Variants in MCRIP1 observed in about 807,000 individuals in gnomAD.
MCRIP1 encodes mapk-regulated corepressor-interacting protein 1.
A neutral mutation model predicts 14.4 loss-of-function variants in MCRIP1; 10 were observed. The ratio of observed to expected loss-of-function variants is 0.70; its 90% CI spans 0.43 to 1.18. The LOEUF (loss-of-function observed/expected upper bound fraction) is 1.18. Among genes scored for constraint, MCRIP1 ranks in the 50% most tolerant of loss-of-function variants. MCRIP1 has a pLI of 0.00. For missense variants in MCRIP1, 119 were observed against 135.4 expected, an observed-to-expected ratio of 0.88 and a Z score of 0.60; for synonymous variants, 53 against 55.7, an observed-to-expected ratio of 0.95 and a Z score of 0.21.
chr17:81,829,368 A>T (rs1157779573), intron 1 of MCRIP1, among the ~76,000 whole-genome samples: 1 of 152,174 alleles, frequency 6.6e-6, no homozygotes, highest in African/African-American at 2.4e-5. Flanking sequence ...GGCCACCACC[A>T]GGGTGACAGC....
chr17:81,825,701 G>A, intron 1 of MCRIP1: 13 of 1,289,362 alleles, frequency 1.0e-5, no homozygotes, highest in Non-Finnish European at 1.3e-5. Context: ...GGAACTCTGT[G>A]CCCCATCCCA....
chr17:81,825,152 C>T, intron 1 of MCRIP1: 3 of 1,035,750 alleles, frequency 2.9e-6, no homozygotes, highest in Non-Finnish European at 3.5e-6. Context: ...GGAGATGGAA[C>T]CAAACTCCAG....
At chr17:81,827,537 C>T (rs1338465117) in intron 1 of MCRIP1, among the ~76,000 whole-genome samples, 2 of 151,886 alleles carry the variant, frequency 1.3e-5, no homozygotes, top group Admixed American at 6.6e-5. Flanking sequence ...TCCCAAAGTG[C>T]TGGGATTACA....
Position 81,824,566 on chromosome 17 carries a change from G to A in MCRIP1, c.-48-12C>T. On this transcript the variant is annotated splice_polypyrimidine_tract_variant and intron_variant, in intron 1 of 4. Transcript: ENST00000455127. Reference sequence around the variant, plus strand: ...GATCCCCTCAGCCTCTGAAACAGAAGCCAGCGCAGGCATGGGACGCAGGGC... The same window carrying A: ...GATCCCCTCAGCCTCTGAAACAGAAACCAGCGCAGGCATGGGACGCAGGGC... 1.3e-6 allele frequency: 2 copies of A among 1,535,878 alleles called. No individual in the cohort carries two copies. The highest frequency in any genetic ancestry group is 1.4e-5 in the African/African-American group (1 of 73,174).
chr17:81,833,182 G>A (rs1224616381), intron 1 of MCRIP1, 56 bp downstream of exon 1: 1 of 146,788 alleles, frequency 6.8e-6, no homozygotes, highest in Admixed American at 6.8e-5. Context: ...GCGGGGCCCA[G>A]CCGCGCCCGC....
At chr17:81,828,653 G>A (rs1326886080) in intron 1 of MCRIP1, among the ~76,000 whole-genome samples, 4 of 152,096 alleles carry the variant, frequency 2.6e-5, no homozygotes, top group East Asian at 1.9e-4. Flanking sequence ...CAGCCCCCAC[G>A]CAGAGACGGA....
chr17:81,823,076 GA>G lies in MCRIP1; in HGVS notation c.*170del. The G allele has an allele frequency of 1.5e-6, 1 of 679,276 alleles. No homozygotes were observed. Among genetic ancestry groups the G allele is most frequent in the Non-Finnish European group, 2.6e-6 (1 of 389,642 alleles). The allele number at this position is 679,276 out of a possible 1,614,324, so 42.1% of individuals were successfully genotyped here. A position where few individuals can be genotyped will look rare whatever the true frequency, so the allele number is the denominator to read the frequency against. ...CAGCCTGAGACCCCCAAGGATGAAG[GA>G]AGGGGGCTTGGGAAGGAGAGGCAGG... On this transcript the variant is annotated 3_prime_UTR_variant, in exon 5 of 5. Transcript: ENST00000455127. This position sits in a 1 kb window ranked among gnomAD's most constrained non-coding sequence, Gnocchi z 6.0.
Position 81,823,170 on chromosome 17 carries a change from G to T in MCRIP1, c.*77C>A. On this transcript the variant is annotated 3_prime_UTR_variant, in exon 5 of 5. Transcript: ENST00000455127. The surrounding 1 kb of genome is among the most constrained non-coding windows in gnomAD (Gnocchi z 6.0). ...TGGAGCAAGGCACCCCCATCCCAGGGGCAGGACCACAGGACAGGAGGGAAC... is the reference window on the plus strand; with the variant it reads ...TGGAGCAAGGCACCCCCATCCCAGGTGCAGGACCACAGGACAGGAGGGAAC... The T allele has an allele frequency of 7.1e-7, 1 of 1,412,350 alleles. No homozygotes were observed. Among genetic ancestry groups the T allele is most frequent in the Non-Finnish European group, 9.7e-7 (1 of 1,035,740 alleles). 87.5% of individuals were successfully genotyped at this position (1,412,350 alleles called of 1,614,324 possible). A position where few individuals can be genotyped will look rare whatever the true frequency, so the allele number is the denominator to read the frequency against.
chr17:81,823,662 C>A lies in MCRIP1; in HGVS notation c.128-149G>T. On this transcript the variant is annotated intron_variant, in intron 3 of 4. Coordinates refer to ENST00000455127, the MANE Select transcript of MCRIP1 (RefSeq NM_207368.5). The surrounding 1 kb of genome is among the most constrained non-coding windows in gnomAD (Gnocchi z 6.0). ...ATGCTCCCCCACAGCCCTCTGCCCA[C>A]CCCAGCCTCACTCACCTGCAGACCC... is the stretch of plus-strand genomic sequence containing the variant. The A allele has an allele frequency of 7.4e-6, 5 of 673,542 alleles. No individual in the cohort carries two copies. The highest frequency in any genetic ancestry group is 1.3e-5 in the Non-Finnish European group (5 of 391,574). The allele number at this position is 673,542 out of a possible 1,614,324, so 41.7% of individuals were successfully genotyped here.
intron 1 of MCRIP1, chr17:81,826,045 C>A: frequency 7.0e-7 from 1 of 1,434,592 alleles, no homozygotes; most frequent in Non-Finnish European, 9.2e-7. Context: ...AGCCTGCCCT[C>A]TCCCGTGGCT....
intron 1 of MCRIP1, among the ~76,000 whole-genome samples, chr17:81,831,995 T>C (rs557230456): frequency 6.6e-6 from 1 of 152,200 alleles, no homozygotes; most frequent in Admixed American, 6.5e-5. Flanking sequence ...CCCCAGTCTC[T>C]GGCCTCCCAG....
intron 1 of MCRIP1, among the ~76,000 whole-genome samples, chr17:81,827,167 C>T (rs2143234788): frequency 6.6e-6 from 1 of 151,882 alleles, no homozygotes; most frequent in East Asian, 1.9e-4. Flanking sequence ...TTAAAATAGG[C>T]CTGTAATCCC....
intron 1 of MCRIP1, chr17:81,825,771 G>A (rs1482957340): frequency 1.6e-6 from 2 of 1,289,414 alleles, no homozygotes; most frequent in South Asian, 1.2e-5. Flanking sequence ...CACCCAGTTT[G>A]CTCACAAAGT....
intron 1 of MCRIP1, chr17:81,825,047 A>G (rs2038361009): frequency 9.9e-7 from 1 of 1,013,132 alleles, no homozygotes. Context: ...TTTCTGTAAA[A>G]CGGGGATGAG....
At chr17:81,825,242 C>G in intron 1 of MCRIP1, 1 of 1,085,116 alleles carries the variant, frequency 9.2e-7, no homozygotes, top group Non-Finnish European at 1.1e-6. Flanking sequence ...GGCTGCCGCC[C>G]GTTTATGGCC....
At chr17:81,829,253 A>G (rs1048704709) in intron 1 of MCRIP1, among the ~76,000 whole-genome samples, 8 of 126,882 alleles carry the variant, frequency 6.3e-5, no homozygotes, top group African/African-American at 2.4e-4. Context: ...GGCCGACCAC[A>G]GGTGAAGGGT....
chr17:81,826,389 C>T (rs2143226572), intron 1 of MCRIP1: 1 of 1,535,244 alleles, frequency 6.5e-7, no homozygotes, highest in Non-Finnish European at 8.7e-7. Flanking sequence ...CCTGGTGTGG[C>T]AGCATGCACT....
chr17:81,828,682 G>A (rs543675889), intron 1 of MCRIP1, among the ~76,000 whole-genome samples: 8 of 152,286 alleles, frequency 5.3e-5, no homozygotes, highest in African/African-American at 1.9e-4. Context: ...ACAAGAGCAG[G>A]ACCTGAGGGG....
In MCRIP1 at chr17:81,822,640, C is replaced by T. The variant is rs1226401899; in HGVS notation, c.*607G>A. 1 of 155,302 alleles carries T rather than the reference C, an allele frequency of 6.4e-6. No individual in the cohort carries two copies. The highest frequency in any genetic ancestry group is 1.4e-5 in the Non-Finnish European group (1 of 70,078). The allele number at this position is 155,302 out of a possible 1,614,324, so 9.6% of individuals were successfully genotyped here. A position where few individuals can be genotyped will look rare whatever the true frequency, so the allele number is the denominator to read the frequency against. ...GGCCAGGCCTGGTTGCTGGGGACCCCCTTGGGGGGCCCGGCAGTATCCTAG... is the reference window on the plus strand; with the variant it reads ...GGCCAGGCCTGGTTGCTGGGGACCCTCTTGGGGGGCCCGGCAGTATCCTAG... On this transcript the variant is annotated 3_prime_UTR_variant, in exon 5 of 5. Transcript: ENST00000455127.
Sources: gnomAD v4.1 joint callset for allele counts (sites outside exome capture counted in the v4.1 genomes callset) on GRCh38, gnomAD v4.1.1 for gene constraint, Gnocchi (gnomAD v3.1) non-coding constraint, MANE v1.5 for transcripts, NCBI Gene and HGNC (gene_info 2026-07-23, HGNC 2026-07-21) for gene names.